CDH13: variants seen among roughly 807,000 people sequenced by gnomAD.
CDH13 encodes cadherin 13.
CDH13 carries 24 observed loss-of-function variants against 63.8 expected under a neutral mutation model. That is an observed-to-expected ratio of 0.38 (90% CI 0.27 to 0.53). The LOEUF (loss-of-function observed/expected upper bound fraction) is 0.53. CDH13 is among the 20% of genes least tolerant of loss of function. The pLI is 0.85. For synonymous variants in CDH13, 503 were observed against 355.3 expected, an observed-to-expected ratio of 1.42 and a Z score of -4.67; for missense variants, 1,049 against 903.1, an observed-to-expected ratio of 1.16 and a Z score of -2.07.
chr16:83,063,751 A>T (rs1243228915), intron 3 of CDH13, among the ~76,000 whole-genome samples: 1 of 152,214 alleles, frequency 6.6e-6, no homozygotes, highest in East Asian at 1.9e-4. Context: ...AATGAGTTTC[A>T]CAAGGCCAAA....
intron 2 of CDH13, among the ~76,000 whole-genome samples, chr16:82,871,186 G>A (rs1826955787): frequency 6.6e-6 from 1 of 152,224 alleles, no homozygotes; most frequent in African/African-American, 2.4e-5. Context: ...GGCTGGTGTT[G>A]ATCAAAGACT....
chr16:83,055,788 C>A (rs564321006), intron 3 of CDH13, among the ~76,000 whole-genome samples: 1 of 151,990 alleles, frequency 6.6e-6, no homozygotes, highest in Non-Finnish European at 1.5e-5. Context: ...CTGACATAAA[C>A]ATTGAAAGAA....
intron 8 of CDH13, among the ~76,000 whole-genome samples, chr16:83,665,173 A>G (rs1237279736): frequency 1.1e-5 from 1 of 88,268 alleles, no homozygotes; most frequent in Non-Finnish European, 2.1e-5. Flanking sequence ...TACATAACTG[A>G]AAAAAAAAAG....
At chr16:83,788,093 G>A (rs974134454) in intron 13 of CDH13, among the ~76,000 whole-genome samples, 7 of 152,204 alleles carry the variant, frequency 4.6e-5, no homozygotes, top group Non-Finnish European at 7.3e-5. Context: ...TTGTGTGCAC[G>A]CACGTGTGTG....
At chr16:83,178,367 G>A (rs983339947) in intron 4 of CDH13, among the ~76,000 whole-genome samples, 3 of 152,152 alleles carry the variant, frequency 2.0e-5, no homozygotes, top group Admixed American at 2.0e-4. Context: ...CCCCAGTTGA[G>A]AACCACTGAT....
chr16:83,323,723 A>G (rs978623664), intron 5 of CDH13, among the ~76,000 whole-genome samples: 3 of 152,200 alleles, frequency 2.0e-5, no homozygotes, highest in South Asian at 2.1e-4. Context: ...CCATACAAAA[A>G]GTGACCACCA....
At chr16:83,024,740 C>T (rs985613529) in intron 2 of CDH13, among the ~76,000 whole-genome samples, 1 of 152,188 alleles carries the variant, frequency 6.6e-6, no homozygotes, top group Non-Finnish European at 1.5e-5. Context: ...TACATTTGTA[C>T]GAAGTTGTCT....
chr16:83,613,883 T>G (rs970470152), intron 8 of CDH13, among the ~76,000 whole-genome samples: 1 of 152,196 alleles, frequency 6.6e-6, no homozygotes, highest in African/African-American at 2.4e-5. Context: ...ATATTTTAAA[T>G]TATGTAATTT....
At chr16:83,665,170 C>A (rs1162047488) in intron 8 of CDH13, among the ~76,000 whole-genome samples, 5 of 139,016 alleles carry the variant, frequency 3.6e-5, no homozygotes, top group Non-Finnish European at 7.6e-5. Flanking sequence ...GCATACATAA[C>A]TGAAAAAAAA....
intron 5 of CDH13, among the ~76,000 whole-genome samples, chr16:83,253,962 G>A (rs192386980): frequency 3.3e-5 from 5 of 152,278 alleles, no homozygotes; most frequent in Admixed American, 6.5e-5. Context: ...AGTCATAACC[G>A]TCTGCCCAGA....
At position 83,344,975 on chromosome 16, in the gene CDH13, C is replaced by T. The variant is rs2090807257; in HGVS notation, c.750C>T (p.Tyr250=). 3.7e-6 allele frequency: 6 copies of T among 1,613,884 alleles called. No individual in the cohort carries two copies. Among genetic ancestry groups the T allele is most frequent in the Non-Finnish European group, 5.1e-6 (6 of 1,179,864 alleles). The change falls in exon 6 of 14, where the codon TAC becomes TAT. Residue 250 remains tyrosine, a synonymous_variant. Transcript: ENST00000567109. ...DNRPIFREGP[Y]IGHVMEGSPT... ...GACCGATCTTTCGGGAAGGCCCCTA[C>T]ATCGGCCACGTCATGGAAGGGTCAC...
chr16:83,635,481 T>C (rs1911176817), intron 8 of CDH13, among the ~76,000 whole-genome samples: 1 of 151,702 alleles, frequency 6.6e-6, no homozygotes, highest in Non-Finnish European at 1.5e-5. Flanking sequence ...GTAGCTAGGA[T>C]TGCAGGCACA....
intron 5 of CDH13, among the ~76,000 whole-genome samples, chr16:83,300,017 G>C (rs1256354053): frequency 6.6e-6 from 1 of 152,190 alleles, no homozygotes; most frequent in African/African-American, 2.4e-5. Context: ...GAGAGCCTCA[G>C]TTTCGTCACA....
chr16:82,680,655 C>G (rs1459910915), intron 1 of CDH13, among the ~76,000 whole-genome samples: 2 of 152,158 alleles, frequency 1.3e-5, no homozygotes, highest in Non-Finnish European at 2.9e-5. Flanking sequence ...AAGGCACACA[C>G]AAGCTGGAAT....
intron 2 of CDH13, among the ~76,000 whole-genome samples, chr16:82,937,334 G>A (rs1380878461): frequency 1.3e-5 from 2 of 151,846 alleles, no homozygotes; most frequent in East Asian, 1.9e-4. Context: ...TTGGAGGTTG[G>A]GCGAGGCAAT....
At chr16:83,720,377 G>A (rs1909531257) in intron 10 of CDH13, among the ~76,000 whole-genome samples, 1 of 152,008 alleles carries the variant, frequency 6.6e-6, no homozygotes, top group African/African-American at 2.4e-5. Context: ...AAGCTTTTTG[G>A]AGTTCATCAA....
chr16:82,858,833 T>C (rs1186954144), intron 2 of CDH13: 1 of 328,854 alleles, frequency 3.0e-6, no homozygotes. Context: ...AGATTGCTGT[T>C]CTACCTGTAG....
chr16:82,884,725 T>C (rs1431752698), intron 2 of CDH13, among the ~76,000 whole-genome samples: 2 of 152,228 alleles, frequency 1.3e-5, no homozygotes, highest in East Asian at 1.9e-4. Flanking sequence ...TCCAAGTTTT[T>C]CTCAGCCAAC....
chr16:83,191,522 C>T (rs1299068687), intron 4 of CDH13, among the ~76,000 whole-genome samples: 22 of 90,044 alleles, frequency 2.4e-4, no homozygotes, highest in Non-Finnish European at 3.7e-4. Flanking sequence ...CACACACACA[C>T]ACACACACAT....
Sources: gnomAD v4.1 joint callset for allele counts (sites outside exome capture counted in the v4.1 genomes callset) on GRCh38, gnomAD v4.1.1 for gene constraint, MANE v1.5 for transcripts, NCBI Gene and HGNC (gene_info 2026-07-23, HGNC 2026-07-21) for gene names.